The following SESN1 variants were observed in gnomAD, a reference collection of about 807,000 sequenced individuals.
SESN1 encodes sestrin-1.
In SESN1, 30 loss-of-function variants were observed where a neutral mutation model predicts 59.3. That is an observed-to-expected ratio of 0.51 (90% CI 0.38 to 0.69). The LOEUF (loss-of-function observed/expected upper bound fraction) is 0.69. SESN1 is among the 30% of genes least tolerant of loss of function. The pLI, the probability that SESN1 is intolerant of heterozygous loss-of-function variation, is 0.00. For missense variants in SESN1, 566 were observed against 673.0 expected (o/e 0.84, Z 1.76); for synonymous variants, 197 against 219.9 (o/e 0.90, Z 0.92).
chr6:109,091,379 TCA>T (rs1781315176), intron 1 of SESN1, among the ~76,000 whole-genome samples: 1 of 152,308 alleles, frequency 6.6e-6, no homozygotes, highest in African/African-American at 2.4e-5. Flanking sequence ...GATGCATTTC[TCA>T]GAGTGTATCA....
At chr6:109,031,307 T>C (rs1445615935) in intron 1 of SESN1, among the ~76,000 whole-genome samples, 1 of 152,132 alleles carries the variant, frequency 6.6e-6, no homozygotes, top group Non-Finnish European at 1.5e-5. Flanking sequence ...TCAGCAGTGG[T>C]ACAAAGGAGT....
chr6:108,989,537 AGAGATATC>A (rs1352742788), intron 8 of SESN1, among the ~76,000 whole-genome samples: 6 of 104,378 alleles, frequency 5.7e-5, no homozygotes, highest in Non-Finnish European at 1.2e-4. Flanking sequence ...CTATAGAGAT[AGAGATATC>A]TCTAGATCTA....
intron 1 of SESN1, chr6:109,059,468 A>G (rs1583290881): frequency 1.3e-5 from 2 of 152,228 alleles, no homozygotes; most frequent in East Asian, 3.8e-4. Flanking sequence ...TATATAAAAA[A>G]GCAGAATAAG....
intron 1 of SESN1, among the ~76,000 whole-genome samples, chr6:109,013,269 A>G (rs1779888210): frequency 6.6e-6 from 1 of 152,156 alleles, no homozygotes; most frequent in Admixed American, 6.5e-5. Context: ...GGGCAAAACT[A>G]GGGGCAAGGA....
At chr6:109,014,862 G>A (rs909170151) in intron 1 of SESN1, among the ~76,000 whole-genome samples, 3 of 152,146 alleles carry the variant, frequency 2.0e-5, no homozygotes, top group Non-Finnish European at 4.4e-5. Flanking sequence ...TAGGAAGAAA[G>A]CTGGCTTCTC....
At chr6:109,012,973 G>A (rs942511803) in intron 1 of SESN1, among the ~76,000 whole-genome samples, 19 of 151,930 alleles carry the variant, frequency 1.3e-4, no homozygotes, top group African/African-American at 4.6e-4. Flanking sequence ...AAAATTAGCT[G>A]GGCGTGGTGG....
intron 1 of SESN1, among the ~76,000 whole-genome samples, chr6:109,021,939 A>G: frequency 6.6e-6 from 1 of 152,180 alleles, no homozygotes; most frequent in South Asian, 2.1e-4. Context: ...CATATACTAT[A>G]TCTAAAGGAT....
intron 1 of SESN1, among the ~76,000 whole-genome samples, chr6:109,004,840 C>A (rs972769386): frequency 5.3e-5 from 8 of 152,178 alleles, no homozygotes; most frequent in Admixed American, 2.0e-4. Context: ...TGCTGAGATA[C>A]TGTCTTCCTC....
intron 1 of SESN1, among the ~76,000 whole-genome samples, chr6:109,071,950 C>T (rs949057149): frequency 5.3e-5 from 8 of 152,216 alleles, no homozygotes; most frequent in South Asian, 2.1e-4. Context: ...TGATAAAACA[C>T]GGGCTCTCTC....
intron 5 of SESN1, among the ~76,000 whole-genome samples, chr6:108,997,576 ACTT>A (rs1299918391): frequency 2.6e-5 from 4 of 152,222 alleles, no homozygotes; most frequent in Non-Finnish European, 1.5e-5. Flanking sequence ...TTGGCATTTT[ACTT>A]CTTTAGAGAC....
At chr6:108,989,472 T>TCTAG in intron 8 of SESN1, among the ~76,000 whole-genome samples, 1 of 146,014 alleles carries the variant, frequency 6.8e-6, no homozygotes, top group South Asian at 2.1e-4. Context: ...GATATAGAAA[T>TCTAG]ATCTGTATAT....
intron 1 of SESN1, among the ~76,000 whole-genome samples, chr6:109,011,764 C>T (rs1233114363): frequency 6.6e-6 from 1 of 151,646 alleles, no homozygotes; most frequent in Non-Finnish European, 1.5e-5. Context: ...GAGTAGCTGG[C>T]ACTACAGGCA....
At chr6:109,064,121 T>C (rs1383375359) in intron 1 of SESN1, among the ~76,000 whole-genome samples, 1 of 152,124 alleles carries the variant, frequency 6.6e-6, no homozygotes. Flanking sequence ...CTTAGTAAAC[T>C]AGTATTTAGC....
At chr6:109,089,979 A>G (rs2114483714) in intron 1 of SESN1, among the ~76,000 whole-genome samples, 1 of 152,178 alleles carries the variant, frequency 6.6e-6, no homozygotes, top group East Asian at 1.9e-4. Flanking sequence ...CTTGCTCAAA[A>G]TCCCCCAGTG....
intron 1 of SESN1, among the ~76,000 whole-genome samples, chr6:109,043,243 G>A (rs577815661): frequency 2.1e-4 from 32 of 152,104 alleles, no homozygotes; most frequent in Admixed American, 1.1e-3. Context: ...TATACTTAAC[G>A]GTGAAAGATG....
At chr6:109,000,938 TAAG>T (rs1779607576) in intron 3 of SESN1, among the ~76,000 whole-genome samples, 1 of 152,132 alleles carries the variant, frequency 6.6e-6, no homozygotes, top group South Asian at 2.1e-4. Context: ...AACTTCAGAT[TAAG>T]AAGAAACTTC....
chr6:109,015,683 G>A (rs1044303330), intron 1 of SESN1, among the ~76,000 whole-genome samples: 10 of 152,100 alleles, frequency 6.6e-5, no homozygotes, highest in Non-Finnish European at 1.3e-4. Context: ...ATGTGAGGGG[G>A]AAATGGACGG....
In SESN1 at chr6:109,094,453, C is replaced by T. The variant is rs114142180; in HGVS notation, c.-380G>A. 1,313 of 201,000 alleles carry T rather than the reference C, an allele frequency of 6.5e-3. 23 individuals carry two copies. The highest frequency in any genetic ancestry group is 0.029 in the African/African-American group (1,242 of 42,792). The allele number at this position is 201,000 out of a possible 1,614,324, so 12.5% of individuals were successfully genotyped here. A position where few individuals can be genotyped will look rare whatever the true frequency, so the allele number is the denominator to read the frequency against. On this transcript the variant is annotated 5_prime_UTR_variant, in exon 1 of 10. Transcript: ENST00000436639. Reference sequence around the variant, plus strand: ...CTCTGCCCCAAAAGGCTGTTAACAGCTGAACGCCCTCCAGCCATTCGGGGC... The same window carrying T: ...CTCTGCCCCAAAAGGCTGTTAACAGTTGAACGCCCTCCAGCCATTCGGGGC...
chr6:109,008,662 G>T, intron 1 of SESN1: 1 of 496,764 alleles, frequency 2.0e-6, no homozygotes, highest in Non-Finnish European at 2.6e-6. Flanking sequence ...TAAGGTTCGA[G>T]TTTTACCTAA....
Sources: gnomAD v4.1 joint callset for allele counts (sites outside exome capture counted in the v4.1 genomes callset) on GRCh38, gnomAD v4.1.1 for gene constraint, MANE v1.5 for transcripts, NCBI Gene and HGNC (gene_info 2026-07-23, HGNC 2026-07-21) for gene names.